SLC24A2: variants seen among roughly 807,000 people sequenced by gnomAD.
The protein encoded by SLC24A2 is sodium/potassium/calcium exchanger 2.
SLC24A2 carries 36 observed loss-of-function variants against 62.0 expected under a neutral mutation model. The observed-to-expected ratio is 0.58, with a 90% CI of 0.44 to 0.77. The LOEUF (loss-of-function observed/expected upper bound fraction) is 0.77, where lower values mean the gene tolerates loss of function less well. Ranked by LOEUF, SLC24A2 falls within the 30% of genes least tolerant of loss-of-function variation. The pLI is 0.00. For missense variants in SLC24A2, 846 were observed against 817.9 expected (o/e 1.03, Z -0.42); for synonymous variants, 358 against 294.0 (o/e 1.22, Z -2.23).
intron 2 of SLC24A2, among the ~76,000 whole-genome samples, chr9:19,754,533 G>A (rs1206566547): frequency 6.6e-6 from 1 of 152,136 alleles, no homozygotes; most frequent in Non-Finnish European, 1.5e-5. Context: ...CCTTGCAGCT[G>A]GGTGCAGGGT....
chr9:19,829,258 C>T, the SLC24A2 span, among the ~76,000 whole-genome samples: 4 of 152,140 alleles, frequency 2.6e-5, no homozygotes. Context: ...ATAGGGTGCA[C>T]TTGCAATGGC....
chr9:20,193,436 A>G, the SLC24A2 span, among the ~76,000 whole-genome samples: 1 of 152,160 alleles, frequency 6.6e-6, no homozygotes, highest in South Asian at 2.1e-4. Flanking sequence ...CACACCACCC[A>G]AAAGAAAGAT....
At chr9:20,159,432 T>C in the SLC24A2 span, among the ~76,000 whole-genome samples, 1 of 151,774 alleles carries the variant, frequency 6.6e-6, no homozygotes, top group Admixed American at 6.6e-5. Flanking sequence ...AAACCAATTT[T>C]CACCCCATGG....
the SLC24A2 span, among the ~76,000 whole-genome samples, chr9:19,992,223 T>C: frequency 2.1e-4 from 32 of 152,292 alleles, no homozygotes; most frequent in African/African-American, 7.7e-4. Flanking sequence ...CGGGGGGATG[T>C]CCAATAGGCT....
At chr9:19,635,828 C>A (rs923133859) in intron 2 of SLC24A2, among the ~76,000 whole-genome samples, 5 of 152,128 alleles carry the variant, frequency 3.3e-5, no homozygotes, top group Non-Finnish European at 7.4e-5. Flanking sequence ...ACATCTTTGC[C>A]TTTAAACGTT....
At chr9:19,850,842 T>C in the SLC24A2 span, among the ~76,000 whole-genome samples, 1 of 148,718 alleles carries the variant, frequency 6.7e-6, no homozygotes, top group Non-Finnish European at 1.5e-5. Context: ...ATATGTCACC[T>C]TATGTTTATC....
chr9:19,892,644 T>C, the SLC24A2 span, among the ~76,000 whole-genome samples: 1 of 152,312 alleles, frequency 6.6e-6, no homozygotes, highest in Admixed American at 6.5e-5. Flanking sequence ...GGGGCTAATG[T>C]CCAGTTCGTT....
At chr9:19,841,989 C>T in the SLC24A2 span, among the ~76,000 whole-genome samples, 1 of 152,120 alleles carries the variant, frequency 6.6e-6, no homozygotes, top group Non-Finnish European at 1.5e-5. Context: ...GTTGAGTATC[C>T]AATCTGCCAA....
chr9:19,831,431 C>A, the SLC24A2 span, among the ~76,000 whole-genome samples: 53 of 152,302 alleles, frequency 3.5e-4, no homozygotes, highest in Non-Finnish European at 4.9e-4. Flanking sequence ...TGAAATACCT[C>A]CTTCCTGCTG....
At chr9:19,890,388 T>C in the SLC24A2 span, among the ~76,000 whole-genome samples, 14 of 152,186 alleles carry the variant, frequency 9.2e-5, no homozygotes, top group Non-Finnish European at 1.5e-4. Flanking sequence ...ATGCCTACCA[T>C]ATCCAAGTTG....
intron 2 of SLC24A2, among the ~76,000 whole-genome samples, chr9:19,756,524 T>G (rs1822144457): frequency 6.6e-6 from 1 of 152,228 alleles, no homozygotes; most frequent in Non-Finnish European, 1.5e-5. Context: ...CAAAATTTGA[T>G]GCTGACAACA....
At chr9:20,307,399 G>A in the SLC24A2 span, among the ~76,000 whole-genome samples, 6 of 152,286 alleles carry the variant, frequency 3.9e-5, no homozygotes, top group East Asian at 1.9e-4. Flanking sequence ...CTAATGCTGC[G>A]ACTTTGTCCT....
the SLC24A2 span, among the ~76,000 whole-genome samples, chr9:20,067,663 C>T: frequency 8.5e-5 from 13 of 152,174 alleles, no homozygotes; most frequent in East Asian, 1.2e-3. Flanking sequence ...TGCATTAATT[C>T]GGTCAGGTTT....
chr9:19,522,948 G>A (rs576396213), intron 9 of SLC24A2, among the ~76,000 whole-genome samples: 1 of 152,306 alleles, frequency 6.6e-6, no homozygotes, highest in South Asian at 2.1e-4. Flanking sequence ...CTAAACAACT[G>A]TTACTGTCGG....
the SLC24A2 span, among the ~76,000 whole-genome samples, chr9:20,124,943 C>T: frequency 6.6e-6 from 1 of 152,244 alleles, no homozygotes; most frequent in East Asian, 1.9e-4. Flanking sequence ...GGAAGTAGCA[C>T]CTTGTTATGG....
chr9:19,537,390 G>C (rs1563943433), intron 8 of SLC24A2, among the ~76,000 whole-genome samples: 1 of 28,730 alleles, frequency 3.5e-5, no homozygotes, highest in African/African-American at 1.6e-4. Flanking sequence ...TAAGGTGTAA[G>C]GAAGGGATCC....
At chr9:20,072,709 T>A in the SLC24A2 span, among the ~76,000 whole-genome samples, 1 of 151,738 alleles carries the variant, frequency 6.6e-6, no homozygotes, top group Non-Finnish European at 1.5e-5. Context: ...GAGGAGAGGG[T>A]AATGTAATGA....
At chr9:20,228,475 T>C in the SLC24A2 span, among the ~76,000 whole-genome samples, 1 of 151,884 alleles carries the variant, frequency 6.6e-6, no homozygotes, top group African/African-American at 2.4e-5. Context: ...AAATTGTCTT[T>C]TAAAAAAAAA....
At chr9:20,050,819 T>C in the SLC24A2 span, among the ~76,000 whole-genome samples, 1 of 152,182 alleles carries the variant, frequency 6.6e-6, no homozygotes, top group Non-Finnish European at 1.5e-5. Context: ...GCCTAATCAA[T>C]TGGTTTGTGT....
Sources: gnomAD v4.1 joint callset for allele counts (sites outside exome capture counted in the v4.1 genomes callset) on GRCh38, gnomAD v4.1.1 for gene constraint, MANE v1.5 for transcripts, NCBI Gene and HGNC (gene_info 2026-07-23, HGNC 2026-07-21) for gene names.